DNAJC5: variants seen among roughly 807,000 people sequenced by gnomAD.
DNAJC5 encodes dnaJ homolog subfamily C member 5.
In DNAJC5, 1 loss-of-function variant was observed where a neutral mutation model predicts 23.2. The observed-to-expected ratio is 0.04, with a 90% confidence interval of 0.02 to 0.20. The LOEUF (loss-of-function observed/expected upper bound fraction) is 0.20. Ranked by LOEUF, DNAJC5 falls within the 10% of genes least tolerant of loss-of-function variation. The probability of loss-of-function intolerance (pLI) is 1.00; values close to 1 mark genes in which losing one functional copy is unlikely to be tolerated. For synonymous variants in DNAJC5, 136 were observed against 120.0 expected (o/e 1.13, Z -0.87); for missense variants, 180 against 267.0 (o/e 0.67, Z 2.27).
chr20:63,925,024 C>T (rs759363083), intron 1 of DNAJC5, among the ~76,000 whole-genome samples: 7 of 152,218 alleles, frequency 4.6e-5, no homozygotes, highest in East Asian at 1.9e-4. Flanking sequence ...CAGCTTTCAG[C>T]GGACCAGGGG....
intron 1 of DNAJC5, among the ~76,000 whole-genome samples, chr20:63,921,590 C>CAAAA (rs11482146): frequency 8.6e-6 from 1 of 116,340 alleles, no homozygotes; most frequent in Non-Finnish European, 2.0e-5. Context: ...GACTCCGTCT[C>CAAAA]AAAAAAAAAA....
chr20:63,910,670 TG>T (rs1347094938), intron 1 of DNAJC5, among the ~76,000 whole-genome samples: 46 of 113,490 alleles, frequency 4.1e-4, no homozygotes, highest in Non-Finnish European at 5.3e-4. Context: ...GTTTTGAGAA[TG>T]TTTTTTTTTT....
intron 1 of DNAJC5, among the ~76,000 whole-genome samples, chr20:63,899,970 C>T (rs966271399): frequency 1.3e-5 from 2 of 150,368 alleles, no homozygotes; most frequent in African/African-American, 4.9e-5. Flanking sequence ...CTCATGGCAA[C>T]CTCTGCCTCC....
chr20:63,931,388 A>G lies in DNAJC5; in HGVS notation c.494-77A>G, dbSNP rs2053669204. 2 of 1,371,072 alleles carry G rather than the reference A, an allele frequency of 1.5e-6. No homozygotes were observed. The highest frequency in any genetic ancestry group is 2.0e-6 in the Non-Finnish European group (2 of 997,836). The allele number at this position is 1,371,072 out of a possible 1,614,324, so 84.9% of individuals were successfully genotyped here. A position where few individuals can be genotyped will look rare whatever the true frequency, so the allele number is the denominator to read the frequency against. On this transcript the variant is annotated intron_variant, in intron 4 of 4. Coordinates refer to ENST00000360864, the MANE Select transcript of DNAJC5 (RefSeq NM_025219.3). The surrounding 1 kb of genome is among the most constrained non-coding windows in gnomAD (Gnocchi z 9.6). The stretch of plus-strand genomic sequence containing the variant: ...TGGAGAGTTTGTCCAGGTGCCCGAA[A>G]GTCGCTCCACAGGACCAGCGTTGGG...
intron 1 of DNAJC5, among the ~76,000 whole-genome samples, chr20:63,900,204 G>A (rs2053402917): frequency 6.6e-6 from 1 of 152,052 alleles, no homozygotes; most frequent in Non-Finnish European, 1.5e-5. Context: ...TTGGTCTTGA[G>A]CTCCTGGACT....
At chr20:63,923,367 A>G (rs956493081) in intron 1 of DNAJC5, among the ~76,000 whole-genome samples, 4 of 149,676 alleles carry the variant, frequency 2.7e-5, no homozygotes, top group Admixed American at 2.7e-4. Context: ...TCTTGAGTCC[A>G]GGATTTCAAG....
chr20:63,924,572 A>AC (rs2053596544), intron 1 of DNAJC5, among the ~76,000 whole-genome samples: 1 of 152,134 alleles, frequency 6.6e-6, no homozygotes, highest in African/African-American at 2.4e-5. Flanking sequence ...AAAAACAAAA[A>AC]ACCGGGCACG....
At chr20:63,913,390 T>C (rs955528538) in intron 1 of DNAJC5, among the ~76,000 whole-genome samples, 1 of 151,748 alleles carries the variant, frequency 6.6e-6, no homozygotes, top group Non-Finnish European at 1.5e-5. Flanking sequence ...AGCCTGTTTT[T>C]TTTCTTTCTT....
intron 3 of DNAJC5, 38 bp from the exon 4 acceptor site, chr20:63,930,813 C>T (rs1228674025): frequency 1.2e-6 from 2 of 1,610,644 alleles, no homozygotes; most frequent in South Asian, 1.1e-5. Flanking sequence ...CTCCAGGGGC[C>T]TCGGAGGCCA....
chr20:63,905,676 TCTC>T (rs1412963388), intron 1 of DNAJC5, among the ~76,000 whole-genome samples: 1 of 151,582 alleles, frequency 6.6e-6, no homozygotes, highest in Admixed American at 6.6e-5. Context: ...TTCAAGCAAT[TCTC>T]CTGCCTCAGC....
chr20:63,923,147 GA>G (rs1012088690), intron 1 of DNAJC5, among the ~76,000 whole-genome samples: 4 of 135,818 alleles, frequency 2.9e-5, no homozygotes, highest in African/African-American at 5.5e-5. Context: ...TCTCAAAAAA[GA>G]AAAAAAAAAG....
chr20:63,928,973 C>T lies in DNAJC5; in HGVS notation c.108-339C>T, dbSNP rs1477191476. Among the ~76,000 whole-genome samples, 4 of 152,250 alleles carry T rather than the reference C, an allele frequency of 2.6e-5. No individual in the cohort carries two copies. The highest frequency in any genetic ancestry group is 7.2e-5 in the African/African-American group (3 of 41,462). On this transcript the variant is annotated intron_variant, in intron 2 of 4. Coordinates refer to ENST00000360864, the MANE Select transcript of DNAJC5 (RefSeq NM_025219.3). This position sits in a 1 kb window ranked among gnomAD's most constrained non-coding sequence, Gnocchi z 4.6. ...AACACTTCTTAAAGTGCCATCATTA[C>T]GCCCCGCCGTGCTTACCGTTCACTT...
chr20:63,908,087 G>A (rs1253830961), intron 1 of DNAJC5, among the ~76,000 whole-genome samples: 4 of 152,164 alleles, frequency 2.6e-5, no homozygotes, highest in Non-Finnish European at 5.9e-5. Flanking sequence ...CATGTTTTAC[G>A]GTTGGCTTGT....
rs2053671085 is a variant in DNAJC5 at position 63,931,530 on chromosome 20, G to A, written c.559G>A (p.Asp187Asn). 5 of 1,582,870 alleles carry A rather than the reference G, an allele frequency of 3.2e-6. No homozygotes were observed. Among genetic ancestry groups the A allele is most frequent in the Admixed American group, 1.7e-5 (1 of 57,164 alleles). ...CACCGAGACCACCCAGCTCACAGCC[G>A]ACTCCCACCCCAGCTACCACACTGA... ...SATETTQLTA[D>N]SHPSYHTDGF... Residue 187 changes from aspartate to asparagine, a missense_variant, in exon 5 of 5, where the codon GAC (aspartate) becomes AAC (asparagine). Coordinates refer to ENST00000360864, the MANE Select transcript of DNAJC5 (RefSeq NM_025219.3). This position sits in a 1 kb window ranked among gnomAD's most constrained non-coding sequence, Gnocchi z 9.6.
At chr20:63,907,790 G>A (rs1369360347) in intron 1 of DNAJC5, among the ~76,000 whole-genome samples, 2 of 152,144 alleles carry the variant, frequency 1.3e-5, no homozygotes, top group Non-Finnish European at 2.9e-5. Flanking sequence ...GTTTTGAGAC[G>A]GAGTCTCGCT....
chr20:63,905,211 G>T (rs1388534959), intron 1 of DNAJC5, among the ~76,000 whole-genome samples: 1 of 151,240 alleles, frequency 6.6e-6, no homozygotes, highest in Admixed American at 6.6e-5. Context: ...TGCTTCCCGG[G>T]TTCAAGTGAC....
rs374235444 is a variant in DNAJC5 at position 63,931,045 on chromosome 20, G to A, written c.493+23G>A. ...GGGGTGAGTGCCCGCCCCAGGGCCC[G>A]TGTGTGTGTGTGGGGCAGAGCCAGA... On this transcript the variant is annotated intron_variant, in intron 4 of 4. Transcript: ENST00000360864. The surrounding 1 kb of genome is among the most constrained non-coding windows in gnomAD (Gnocchi z 9.6). The A allele has an allele frequency of 2.9e-5, 45 of 1,532,846 alleles. No individual in the cohort carries two copies. The highest frequency in any genetic ancestry group is 3.7e-5 in the Non-Finnish European group (41 of 1,116,282). 95.0% of individuals were successfully genotyped at this position (1,532,846 alleles called of 1,614,324 possible).
Position 63,932,631 on chromosome 20 carries a change from A to G in DNAJC5, c.*1063A>G, listed in dbSNP as rs934656026. On this transcript the variant is annotated 3_prime_UTR_variant, in exon 5 of 5. Coordinates refer to ENST00000360864, the MANE Select transcript of DNAJC5 (RefSeq NM_025219.3). The surrounding 1 kb of genome is among the most constrained non-coding windows in gnomAD (Gnocchi z 4.4). ...GTTTGCCAGAGCTCCCATCTGCCCC[A>G]CTCGCCTTTGCCCCGTCATCGATGA... The G allele has an allele frequency of 4.0e-5, 6 of 151,462 alleles. No individual in the cohort carries two copies. The highest frequency in any genetic ancestry group is 1.5e-4 in the African/African-American group (6 of 41,054). The allele number at this position is 151,462 out of a possible 1,614,324, so 9.4% of individuals were successfully genotyped here.
intron 1 of DNAJC5, among the ~76,000 whole-genome samples, chr20:63,915,600 T>G (rs980881552): frequency 6.6e-6 from 1 of 152,154 alleles, no homozygotes; most frequent in Non-Finnish European, 1.5e-5. Flanking sequence ...ACGCCTACCC[T>G]TATCAGGCCA....
Sources: allele counts gnomAD v4.1 joint callset (sites outside exome capture counted in the v4.1 genomes callset), GRCh38; gene constraint gnomAD v4.1.1; non-coding constraint Gnocchi (gnomAD v3.1); transcripts MANE v1.5; gene names NCBI Gene and HGNC (gene_info 2026-07-23, HGNC 2026-07-21).